The following ATOSA variants were observed in gnomAD, a reference collection of about 807,000 sequenced individuals.
ATOSA encodes the protein atos homolog protein A.
the ATOSA span, among the ~76,000 whole-genome samples, chr15:52,652,542 A>T: frequency 6.6e-6 from 1 of 152,226 alleles, no homozygotes; most frequent in Non-Finnish European, 1.5e-5. Flanking sequence ...ACAAATTCCT[A>T]GAAAAGCACA....
the ATOSA span, chr15:52,608,997 T>C: frequency 2.5e-6 from 4 of 1,613,022 alleles, no homozygotes; most frequent in South Asian, 2.2e-5. Context: ...TTGAATACTG[T>C]TTATCAATTC....
chr15:52,611,819 C>T, the ATOSA span: 23 of 1,575,930 alleles, frequency 1.5e-5, no homozygotes, highest in Non-Finnish European at 2.0e-5. Flanking sequence ...CAAAAACCCA[C>T]CTAATTTTGT....
the ATOSA span, among the ~76,000 whole-genome samples, chr15:52,660,657 C>T: frequency 6.6e-6 from 1 of 152,104 alleles, no homozygotes. Context: ...ATACTATTTT[C>T]TTTTCTTTTT....
chr15:52,692,458 G>A, the ATOSA span, among the ~76,000 whole-genome samples: 6 of 151,906 alleles, frequency 3.9e-5, no homozygotes, highest in African/African-American at 1.4e-4. Flanking sequence ...CCAGGCTCAG[G>A]CAACCCTCAC....
At chr15:52,647,991 T>C in the ATOSA span, among the ~76,000 whole-genome samples, 4 of 152,168 alleles carry the variant, frequency 2.6e-5, no homozygotes, top group East Asian at 1.9e-4. Context: ...TGAAGTACCT[T>C]AGGAAACTGA....
the ATOSA span, among the ~76,000 whole-genome samples, chr15:52,680,392 T>C: frequency 6.6e-6 from 1 of 152,216 alleles, no homozygotes; most frequent in Non-Finnish European, 1.5e-5. Flanking sequence ...GATATAATTT[T>C]GCATAAAAGG....
At chr15:52,588,898 AAAGCAAATATAAAACAGCAC>A in the ATOSA span, among the ~76,000 whole-genome samples, 4 of 152,350 alleles carry the variant, frequency 2.6e-5, no homozygotes, top group South Asian at 8.3e-4. Context: ...AACTTATGTA[AAAGCAAATATAAAACAGCAC>A]TGTTCTATCA....
At chr15:52,629,166 A>T in the ATOSA span, among the ~76,000 whole-genome samples, 13 of 152,284 alleles carry the variant, frequency 8.5e-5, no homozygotes, top group African/African-American at 2.6e-4. Flanking sequence ...AAGGTTTTTT[A>T]AAAAATTCAA....
chr15:52,615,642 G>A, the ATOSA span, among the ~76,000 whole-genome samples: 6 of 152,122 alleles, frequency 3.9e-5, no homozygotes, highest in Non-Finnish European at 7.3e-5. Context: ...AGCTTTGAAG[G>A]GTATGATGAA....
chr15:52,581,867 A>G, the ATOSA span: 3 of 261,338 alleles, frequency 1.1e-5, no homozygotes, highest in Non-Finnish European at 2.1e-5. Flanking sequence ...AAAACATTAA[A>G]TATTAAATAA....
the ATOSA span, among the ~76,000 whole-genome samples, chr15:52,614,075 T>C: frequency 0.017 from 2,655 of 151,978 alleles, 82 homozygotes; most frequent in African/African-American, 0.061. Context: ...AACTGGTATA[T>C]TAATTATAAT....
At chr15:52,597,508 C>A in the ATOSA span, among the ~76,000 whole-genome samples, 3 of 152,172 alleles carry the variant, frequency 2.0e-5, no homozygotes, top group Non-Finnish European at 4.4e-5. Context: ...TTAAATAAAT[C>A]CCCAAGCCAC....
the ATOSA span, among the ~76,000 whole-genome samples, chr15:52,687,464 A>C: frequency 6.6e-6 from 1 of 152,252 alleles, no homozygotes; most frequent in Non-Finnish European, 1.5e-5. Flanking sequence ...ATATTCGTGC[A>C]TAAGGAAAAC....
chr15:52,695,318 A>G, the ATOSA span, among the ~76,000 whole-genome samples: 1 of 152,220 alleles, frequency 6.6e-6, no homozygotes, highest in Admixed American at 6.5e-5. Flanking sequence ...CCCTTGTGCC[A>G]ATCAGCTTCC....
chr15:52,601,129 G>T, the ATOSA span: 1 of 1,543,264 alleles, frequency 6.5e-7, no homozygotes, highest in Non-Finnish European at 8.7e-7. Flanking sequence ...GAAGAATCCA[G>T]ATCAAAGCAA....
At chr15:52,607,921 C>T in the ATOSA span, among the ~76,000 whole-genome samples, 2 of 152,038 alleles carry the variant, frequency 1.3e-5, no homozygotes, top group African/African-American at 4.8e-5. Flanking sequence ...CACTCTGTTG[C>T]CCACACTGGA....
the ATOSA span, among the ~76,000 whole-genome samples, chr15:52,629,213 C>A: frequency 6.6e-6 from 1 of 152,018 alleles, no homozygotes; most frequent in African/African-American, 2.4e-5. Context: ...GTTTTAAGAG[C>A]AGTTTTAAGT....
chr15:52,646,225 G>A, the ATOSA span, among the ~76,000 whole-genome samples: 88 of 152,276 alleles, frequency 5.8e-4, no homozygotes, highest in African/African-American at 2.1e-3. Context: ...AATAAAAAGT[G>A]GACGGAAGAC....
At chr15:52,697,957 ATTTTTTTTTTTTTTTTT>A in the ATOSA span, among the ~76,000 whole-genome samples, 169 of 44,826 alleles carry the variant, frequency 3.8e-3, 1 homozygote, top group Middle Eastern at 0.019. Flanking sequence ...GGGATGTAGA[ATTTTTTTTTTTTTTTTT>A]TTTTTTTTTT....
Sources: gnomAD v4.1 joint callset for allele counts (sites outside exome capture counted in the v4.1 genomes callset) on GRCh38, gnomAD v4.1.1 for gene constraint, MANE v1.5 for transcripts, NCBI Gene and HGNC (gene_info 2026-07-23, HGNC 2026-07-21) for gene names.